WDFY2: variants seen among roughly 807,000 people sequenced by gnomAD.
WDFY2 encodes WD repeat and FYVE domain-containing protein 2.
WDFY2 carries 36 observed loss-of-function variants against 56.4 expected under a neutral mutation model. The observed-to-expected ratio is 0.64, with a 90% CI of 0.49 to 0.84. The LOEUF is 0.84. Among genes scored for constraint, WDFY2 ranks in the 40% least tolerant of loss-of-function variants. The pLI is 0.00. For synonymous variants in WDFY2, 176 were observed against 183.7 expected, an observed-to-expected ratio of 0.96 and a Z score of 0.34; for missense variants, 444 against 512.2, an observed-to-expected ratio of 0.87 and a Z score of 1.29.
intron 7 of WDFY2, among the ~76,000 whole-genome samples, chr13:51,743,282 A>C (rs889172829): frequency 1.3e-5 from 2 of 152,252 alleles, no homozygotes; most frequent in African/African-American, 4.8e-5. Context: ...TGTGGTCATT[A>C]GTGTGCAGGC....
chr13:51,604,319 C>G (rs939634531), intron 1 of WDFY2, among the ~76,000 whole-genome samples: 7 of 152,178 alleles, frequency 4.6e-5, no homozygotes, highest in Non-Finnish European at 1.0e-4. Context: ...AGATTAGCCT[C>G]TGAATGAGTT....
At position 51,756,365 on chromosome 13, in the gene WDFY2, G is replaced by A; in HGVS notation, c.967G>A (p.Gly323Ser). The change falls in exon 10 of 12, where the codon GGC becomes AGC. Residue 323 changes from glycine (G) to serine (S), a missense_variant. Gly to Ser is a moderately conservative substitution (Grantham distance 56). Coordinates refer to ENST00000298125, the MANE Select transcript of WDFY2 (RefSeq NM_052950.4). ...HCRKCGKAVC[G>S]KCSSKRSSIP... ...CCGCAAGTGTGGGAAGGCCGTCTGT[G>A]GCAAGTGCAGCTCCAAGCGCTCCTC... 4 of 1,613,956 alleles carry A rather than the reference G, an allele frequency of 2.5e-6. No homozygotes were observed. The South Asian group carries it at 4.4e-5, about 18-fold the overall frequency.
intron 6 of WDFY2, among the ~76,000 whole-genome samples, chr13:51,730,577 C>T (rs1474665607): frequency 6.6e-6 from 1 of 152,168 alleles, no homozygotes; most frequent in East Asian, 1.9e-4. Context: ...AGCTAAAGCA[C>T]AGTTCTAGTG....
At chr13:51,715,593 C>A (rs1365014135) in intron 4 of WDFY2, among the ~76,000 whole-genome samples, 1 of 152,090 alleles carries the variant, frequency 6.6e-6, no homozygotes, top group Non-Finnish European at 1.5e-5. Context: ...GGCTGTTTTA[C>A]AGTTTACAGT....
intron 1 of WDFY2, among the ~76,000 whole-genome samples, chr13:51,636,420 G>A (rs1352353767): frequency 6.6e-6 from 1 of 152,208 alleles, no homozygotes; most frequent in Non-Finnish European, 1.5e-5. Flanking sequence ...GAGAGGCAAA[G>A]AGGGAATTAA....
chr13:51,593,810 A>T (rs1593850716), intron 1 of WDFY2: 1 of 152,148 alleles, frequency 6.6e-6, no homozygotes, highest in African/African-American at 2.4e-5. Flanking sequence ...CAGGCCTGTT[A>T]TATATCCAGA....
At chr13:51,710,281 C>T (rs1425556119) in intron 4 of WDFY2, among the ~76,000 whole-genome samples, 1 of 152,102 alleles carries the variant, frequency 6.6e-6, no homozygotes, top group African/African-American at 2.4e-5. Context: ...ATTGATGGGA[C>T]GTATCTCAAA....
intron 3 of WDFY2, among the ~76,000 whole-genome samples, chr13:51,686,939 A>G (rs550804497): frequency 1.3e-5 from 2 of 151,832 alleles, no homozygotes; most frequent in Non-Finnish European, 2.9e-5. Flanking sequence ...TGAACCCCCA[A>G]TTGAGAAATC....
chr13:51,705,810 CTTG>C (rs1281585601), intron 4 of WDFY2, among the ~76,000 whole-genome samples: 3 of 151,934 alleles, frequency 2.0e-5, no homozygotes, highest in Non-Finnish European at 4.4e-5. Flanking sequence ...GAAGCTGTTT[CTTG>C]TTTTTATTTT....
At chr13:51,713,977 G>A (rs894689685) in intron 4 of WDFY2, among the ~76,000 whole-genome samples, 2 of 152,020 alleles carry the variant, frequency 1.3e-5, no homozygotes, top group Non-Finnish European at 2.9e-5. Flanking sequence ...GGGAAATGGC[G>A]AGTTAGTGGG....
intron 3 of WDFY2, among the ~76,000 whole-genome samples, chr13:51,699,421 C>CGCTTT: frequency 6.6e-6 from 1 of 152,288 alleles, no homozygotes; most frequent in Non-Finnish European, 1.5e-5. Flanking sequence ...CGTCTTTCTC[C>CGCTTT]GCTTTGCTTT....
rs1019669222 is a variant in WDFY2, at chr13:51,762,630, T to A, written c.*2861T>A. ...GTGTCTTCCAAGCATTTTATGGAAATGGAGGCTCCATTCCTTAGGAGTAAA... is the reference window on the plus strand; with the variant it reads ...GTGTCTTCCAAGCATTTTATGGAAAAGGAGGCTCCATTCCTTAGGAGTAAA... On this transcript the variant is annotated 3_prime_UTR_variant, in exon 12 of 12. Transcript: ENST00000298125. 6.6e-6 allele frequency: 1 copy of A among 152,364 alleles called. No homozygotes were observed. The highest frequency in any genetic ancestry group is 6.5e-5 in the Admixed American group (1 of 15,298). The allele number at this position is 152,364 out of a possible 1,614,324, so 9.4% of individuals were successfully genotyped here. A position where few individuals can be genotyped will look rare whatever the true frequency, so the allele number is the denominator to read the frequency against.
intron 7 of WDFY2, among the ~76,000 whole-genome samples, chr13:51,746,419 C>T (rs531529803): frequency 2.4e-4 from 37 of 152,286 alleles, no homozygotes; most frequent in Admixed American, 5.2e-4. Flanking sequence ...AGGCCAGGAC[C>T]CTGTAAATCA....
intron 1 of WDFY2, among the ~76,000 whole-genome samples, chr13:51,652,317 T>G (rs1190568653): frequency 1.3e-5 from 2 of 152,208 alleles, no homozygotes; most frequent in Non-Finnish European, 2.9e-5. Context: ...TGAGATGGGT[T>G]TCGTGAATAC....
intron 3 of WDFY2, among the ~76,000 whole-genome samples, chr13:51,699,726 G>A (rs147518420): frequency 6.6e-6 from 1 of 152,192 alleles, no homozygotes; most frequent in Admixed American, 6.5e-5. Flanking sequence ...AATGAAGATG[G>A]GGGTAGGTGA....
intron 2 of WDFY2, among the ~76,000 whole-genome samples, chr13:51,666,861 A>G (rs1460002178): frequency 5.3e-5 from 8 of 152,326 alleles, no homozygotes; most frequent in Non-Finnish European, 7.4e-5. Context: ...TAAGATATCT[A>G]TGGAAAGGAT....
chr13:51,656,941 C>CT (rs544267608), intron 1 of WDFY2, among the ~76,000 whole-genome samples: 38 of 152,054 alleles, frequency 2.5e-4, no homozygotes, highest in Admixed American at 2.5e-3. Flanking sequence ...CTACCAGTGT[C>CT]TGTTTTTGTG....
chr13:51,709,188 T>A (rs567787141), intron 4 of WDFY2, among the ~76,000 whole-genome samples: 2 of 152,358 alleles, frequency 1.3e-5, no homozygotes, highest in South Asian at 2.1e-4. Flanking sequence ...GAACATTCTA[T>A]CCAACTAAAG....
Position 51,762,445 on chromosome 13 carries a change from C to T in WDFY2, c.*2676C>T, listed in dbSNP as rs953086141. 3.9e-5 allele frequency: 6 copies of T among 152,240 alleles called. No individual in the cohort carries two copies. Among genetic ancestry groups the T allele is most frequent in the African/African-American group, 1.4e-4 (6 of 41,452 alleles). 9.4% of individuals were successfully genotyped at this position (152,240 alleles called of 1,614,324 possible). A position where few individuals can be genotyped will look rare whatever the true frequency, so the allele number is the denominator to read the frequency against. ...CAGAAAACCAGATATGTCAAGGTATCCATTGCTCTTTCCTTTTCTCTCATC... is the reference window on the plus strand; with the variant it reads ...CAGAAAACCAGATATGTCAAGGTATTCATTGCTCTTTCCTTTTCTCTCATC... On this transcript the variant is annotated 3_prime_UTR_variant, in exon 12 of 12. Transcript: ENST00000298125.
Sources: gnomAD v4.1 joint callset for allele counts (sites outside exome capture counted in the v4.1 genomes callset) on GRCh38, gnomAD v4.1.1 for gene constraint, MANE v1.5 for transcripts, NCBI Gene and HGNC (gene_info 2026-07-23, HGNC 2026-07-21) for gene names.